The following AKAP13 variants were observed in gnomAD, a reference collection of about 807,000 sequenced individuals.
AKAP13 encodes the protein A-kinase anchoring protein 13.
In AKAP13, 80 loss-of-function variants were observed where a neutral mutation model predicts 264.5. The ratio of observed to expected loss-of-function variants is 0.30; its 90% CI spans 0.25 to 0.36. The LOEUF is 0.36. AKAP13 is among the 10% of genes least tolerant of loss of function. AKAP13 has a pLI of 1.00. For missense variants in AKAP13, 3,712 were observed against 3,435.2 expected, an observed-to-expected ratio of 1.08 and a Z score of -2.01; for synonymous variants, 1,380 against 1,250.2, an observed-to-expected ratio of 1.10 and a Z score of -2.19.
chr15:85,703,881 T>C (rs945926565), intron 17 of AKAP13, among the ~76,000 whole-genome samples: 2 of 150,544 alleles, frequency 1.3e-5, no homozygotes, highest in African/African-American at 2.4e-5. Flanking sequence ...TACACACACA[T>C]ATATTTAATA....
Position 85,555,006 on chromosome 15 carries a change from G to A in AKAP13, c.662+11051G>A, listed in dbSNP as rs377303605. Among the ~76,000 whole-genome samples the A allele has an allele frequency of 8.5e-5, 13 of 152,054 alleles. No individual in the cohort carries two copies. In the East Asian group the frequency reaches 9.6e-4, roughly 11 times the overall value. The stretch of plus-strand genomic sequence containing the variant: ...CTCTCCTTATGCTAATTATTAAGGC[G>A]AGAGTGGCAGTTCTATGTTCCCTCC... On this transcript the variant is annotated intron_variant, in intron 5 of 36. Transcript: ENST00000394518.
At chr15:85,541,174 A>G (rs2077570266) in intron 4 of AKAP13, among the ~76,000 whole-genome samples, 1 of 152,236 alleles carries the variant, frequency 6.6e-6, no homozygotes, top group Admixed American at 6.5e-5. Flanking sequence ...TATGTATTTC[A>G]TTGTATATAA....
At chr15:85,427,047 C>G (rs973022131) in intron 1 of AKAP13, among the ~76,000 whole-genome samples, 3 of 150,886 alleles carry the variant, frequency 2.0e-5, no homozygotes, top group African/African-American at 4.9e-5. Flanking sequence ...ACTCTACCTC[C>G]TGGGTTCACG....
intron 2 of AKAP13, among the ~76,000 whole-genome samples, chr15:85,490,878 A>G (rs969501024): frequency 3.3e-5 from 5 of 152,124 alleles, no homozygotes; most frequent in Admixed American, 2.6e-4. Context: ...TGAAATGGCG[A>G]TGTGATTGTG....
rs2089449816 is a variant in AKAP13, at chr15:85,749,121, A to G, written c.*4444A>G. 1 of 152,276 alleles carries G rather than the reference A, an allele frequency of 6.6e-6. No homozygotes were observed. Among genetic ancestry groups the G allele is most frequent in the Non-Finnish European group, 1.5e-5 (1 of 68,060 alleles). The allele number at this position is 152,276 out of a possible 1,614,324, so 9.4% of individuals were successfully genotyped here. ...AATGCTCTATGGACATTTGTGTGCTAAATCCTATTAAATAAAAAAGACGGG... is the reference window on the plus strand; with the variant it reads ...AATGCTCTATGGACATTTGTGTGCTGAATCCTATTAAATAAAAAAGACGGG... On this transcript the variant is annotated 3_prime_UTR_variant, in exon 37 of 37. Coordinates refer to ENST00000394518, the MANE Select transcript of AKAP13 (RefSeq NM_007200.5).
At chr15:85,459,369 T>G (rs2074415272) in intron 1 of AKAP13, among the ~76,000 whole-genome samples, 1 of 149,302 alleles carries the variant, frequency 6.7e-6, no homozygotes, top group African/African-American at 2.5e-5. Context: ...TTTTTTTTTT[T>G]TGTATTTTTA....
In AKAP13 at chr15:85,726,469, T is replaced by A; in HGVS notation, c.6805T>A (p.Tyr2269Asn). 1 of 1,613,170 alleles carries A rather than the reference T, an allele frequency of 6.2e-7. No individual in the cohort carries two copies. Residue 2269 changes from tyrosine to asparagine, a missense_variant, in exon 27 of 37, where the codon TAC (tyrosine) becomes AAC (asparagine). Transcript: ENST00000394518. ...TTTCCTTCAAGAAAAAGACCAGAAG[T>A]ACATCTTTGCATCATTGGTAAGCTG... ...LVFLQEKDQKYIFASLDQKST... is the reference protein window; with the variant it reads ...LVFLQEKDQKNIFASLDQKST...
At chr15:85,395,208 A>G (rs1218981644) in intron 1 of AKAP13, among the ~76,000 whole-genome samples, 1 of 152,200 alleles carries the variant, frequency 6.6e-6, no homozygotes, top group Non-Finnish European at 1.5e-5. Flanking sequence ...CTTGGCATGT[A>G]TATTTAATTA....
intron 36 of AKAP13, chr15:85,744,278 A>T: frequency 3.2e-6 from 1 of 311,648 alleles, no homozygotes; most frequent in Non-Finnish European, 6.0e-6. Context: ...CCTGCGGCTG[A>T]ATTCCACTAA....
chr15:85,634,586 T>C (rs1175107671), intron 8 of AKAP13, among the ~76,000 whole-genome samples: 1 of 152,226 alleles, frequency 6.6e-6, no homozygotes, highest in Non-Finnish European at 1.5e-5. Context: ...TATTCTGGTA[T>C]AAATTTCCAT....
rs1222813656 is a variant in AKAP13, at chr15:85,673,674, T to C, written c.5101+3844T>C. ...GATCCCTTTCTTTCTTTCTTTTTTT[T>C]TTTTTTTTTTTTTTTTTTGGGGAGA... On this transcript the variant is annotated intron_variant, in intron 14 of 36. Transcript: ENST00000394518. Among the ~76,000 whole-genome samples, 375 of 118,304 alleles carry C rather than the reference T, an allele frequency of 3.2e-3. 1 individual carries two copies. The highest frequency in any genetic ancestry group is 4.1e-3 in the Non-Finnish European group (233 of 57,498). The allele number at this position is 118,304 out of a possible 152,430, so 77.6% of individuals were successfully genotyped here.
At chr15:85,617,084 C>A (rs1827324384) in intron 8 of AKAP13, among the ~76,000 whole-genome samples, 1 of 152,218 alleles carries the variant, frequency 6.6e-6, no homozygotes, top group South Asian at 2.1e-4. Context: ...AAACAAGTTT[C>A]TCTCTCCTAA....
chr15:85,740,934 A>G, intron 34 of AKAP13, 112 bp from the exon 35 acceptor site: 1 of 1,471,372 alleles, frequency 6.8e-7, no homozygotes, highest in Non-Finnish European at 9.0e-7. Flanking sequence ...ATGAGGGGAG[A>G]GTTCTAGTCC....
intron 2 of AKAP13, chr15:85,520,758 A>G (rs965004124): frequency 1.9e-6 from 1 of 515,302 alleles, no homozygotes; most frequent in Non-Finnish European, 3.9e-6. Context: ...CTATACAGTC[A>G]TGTGTTGTTT....
intron 1 of AKAP13, among the ~76,000 whole-genome samples, chr15:85,411,487 G>T (rs1242996879): frequency 2.0e-5 from 3 of 152,096 alleles, no homozygotes; most frequent in Non-Finnish European, 1.5e-5. Context: ...CCCCAGGCTG[G>T]AGTGTAGTGG....
chr15:85,689,714 G>A (rs1167572142), intron 16 of AKAP13, among the ~76,000 whole-genome samples: 2 of 152,172 alleles, frequency 1.3e-5, no homozygotes, highest in Non-Finnish European at 2.9e-5. Flanking sequence ...GTAAAAACTT[G>A]GCCTCAAACC....
At chr15:85,540,178 G>A (rs114166928) in intron 4 of AKAP13, among the ~76,000 whole-genome samples, 2 of 152,148 alleles carry the variant, frequency 1.3e-5, no homozygotes, top group Non-Finnish European at 2.9e-5. Flanking sequence ...CCACCAACAT[G>A]GGCCAAAATA....
intron 1 of AKAP13, among the ~76,000 whole-genome samples, chr15:85,477,523 G>A (rs1352369521): frequency 2.7e-5 from 4 of 150,444 alleles, no homozygotes; most frequent in Non-Finnish European, 5.9e-5. Context: ...TCCTTGCTGT[G>A]TCTGGGTTTG....
At chr15:85,630,721 A>T (rs72762381) in intron 8 of AKAP13, among the ~76,000 whole-genome samples, 6,654 of 152,106 alleles carry the variant, frequency 0.044, 303 homozygotes, top group Admixed American at 0.15. Context: ...TTTTTCCATT[A>T]AAAAAAAGAA....
Sources: gnomAD v4.1 joint callset for allele counts (sites outside exome capture counted in the v4.1 genomes callset) on GRCh38, gnomAD v4.1.1 for gene constraint, MANE v1.5 for transcripts, NCBI Gene and HGNC (gene_info 2026-07-23, HGNC 2026-07-21) for gene names.